CEP350: variants seen among roughly 807,000 people sequenced by gnomAD.
CEP350 encodes the protein centrosomal protein 350.
A neutral mutation model predicts 331.8 loss-of-function variants in CEP350; 126 were observed. The observed-to-expected ratio is 0.38, with a 90% CI of 0.33 to 0.44. CEP350 has a LOEUF of 0.44. Ranked by LOEUF, CEP350 falls within the 20% of genes least tolerant of loss-of-function variation. CEP350 has a pLI of 1.00. For synonymous variants in CEP350, 1,200 were observed against 1,259.5 expected, an observed-to-expected ratio of 0.95 and a Z score of 1.00; for missense variants, 3,406 against 3,634.6, an observed-to-expected ratio of 0.94 and a Z score of 1.62.
intron 12 of CEP350, 135 bp downstream of exon 12, chr1:180,021,144 C>A: frequency 1.6e-6 from 1 of 631,592 alleles, no homozygotes; most frequent in Non-Finnish European, 2.3e-6. Context: ...CCGTATTAGT[C>A]ATCTTCTAAA....
At chr1:180,069,103 G>C (rs774081891) in intron 27 of CEP350, among the ~76,000 whole-genome samples, 27 of 152,110 alleles carry the variant, frequency 1.8e-4, no homozygotes, top group Non-Finnish European at 2.9e-4. Flanking sequence ...AAAAAGAAGG[G>C]GCAGAAAGTA....
rs992473916 is a variant in CEP350, at chr1:180,114,723, A to G, written c.*3562A>G. On this transcript the variant is annotated 3_prime_UTR_variant, in exon 38 of 38. Transcript: ENST00000367607. ...TTCAGCCAATAGTCACATCCAGTGC[A>G]ATTTTGCACCGAACACTTAAGGGTG... The G allele has an allele frequency of 6.6e-6, 1 of 152,634 alleles. No homozygotes were observed. The highest frequency in any genetic ancestry group is 2.4e-5 in the African/African-American group (1 of 41,446). 9.5% of individuals were successfully genotyped at this position (152,634 alleles called of 1,614,324 possible).
At position 180,037,067 on chromosome 1, in the gene CEP350, T is replaced by C; in HGVS notation, c.4088T>C (p.Val1363Ala). ...ATTTCACTTGCTCAGCAGGAGAGTG[T>C]GTCTCTAGCTCAGATAATAAAGGTA... ...RGISLAQQES[V>A]SLAQIIKAQQ... Residue 1363 changes from valine (V) to alanine (A), a missense_variant, in exon 17 of 38, where the codon GTG becomes GCG. Val to Ala is a moderately conservative substitution (Grantham distance 64). This residue lies in a region of CEP350 where 1,857 missense variants were observed against 1,909.2 expected (regional missense o/e 0.97). Transcript: ENST00000367607. 6.2e-7 allele frequency: 1 copy of C among 1,602,208 alleles called. No individual in the cohort carries two copies. The highest frequency in any genetic ancestry group is 8.5e-7 in the Non-Finnish European group (1 of 1,174,666).
At chr1:180,056,476 C>CCCT (rs1491542465) in intron 25 of CEP350, among the ~76,000 whole-genome samples, 1 of 101,688 alleles carries the variant, frequency 9.8e-6, no homozygotes, top group African/African-American at 3.8e-5. Flanking sequence ...CCCCCCCCCC[C>CCCT]TTTTTTTTTT....
At chr1:179,955,410 C>A (rs994591558) in intron 1 of CEP350, among the ~76,000 whole-genome samples, 1 of 152,216 alleles carries the variant, frequency 6.6e-6, no homozygotes, top group African/African-American at 2.4e-5. Context: ...CCTCCTCTAG[C>A]CTGCAGAGGT....
At position 180,022,757 on chromosome 1, in the gene CEP350, A is replaced by T. The variant is rs770191361; in HGVS notation, c.3295A>T (p.Thr1099Ser). ...STSRPLNATA[T>S]PLSGVSYEDD... is the part of the protein sequence containing the mutation. ...ATCACGGCCTTTGAATGCCACCGCA[A>T]CTCCTCTAAGTGGTGTTTCATATGA... Residue 1099 changes from threonine (T) to serine (S), a missense_variant, in exon 13 of 38, where the codon ACT (threonine) becomes TCT (serine). Thr to Ser is a moderately conservative substitution (Grantham distance 58, BLOSUM62 1). Around this residue, in one of 5 missense-constraint regions of CEP350, gnomAD observed 1,857 missense variants for 1,909.2 expected, o/e 0.97. Coordinates refer to ENST00000367607, the MANE Select transcript of CEP350 (RefSeq NM_014810.5). 6.2e-7 allele frequency: 1 copy of T among 1,611,114 alleles called. No individual in the cohort carries two copies. The highest frequency in any genetic ancestry group is 8.5e-7 in the Non-Finnish European group (1 of 1,178,512).
chr1:180,071,645 T>C (rs74684274), intron 27 of CEP350, among the ~76,000 whole-genome samples: 13,221 of 151,792 alleles, frequency 0.087, 918 homozygotes, highest in African/African-American at 0.19. Flanking sequence ...TAGCCGGGCA[T>C]GGTGGCAGGT....
chr1:180,023,835 T>C (rs1413274350), intron 13 of CEP350, among the ~76,000 whole-genome samples: 1 of 152,208 alleles, frequency 6.6e-6, no homozygotes, highest in African/African-American at 2.4e-5. Context: ...CTTTTTCAAA[T>C]ATTACAAATT....
intron 1 of CEP350, among the ~76,000 whole-genome samples, chr1:179,979,762 A>G (rs1652140521): frequency 6.6e-6 from 1 of 152,038 alleles, no homozygotes; most frequent in African/African-American, 2.4e-5. Flanking sequence ...ATTCTTCTGC[A>G]TATGGAGATT....
intron 3 of CEP350, among the ~76,000 whole-genome samples, chr1:179,988,359 T>C (rs991875301): frequency 1.3e-5 from 2 of 151,742 alleles, no homozygotes; most frequent in Non-Finnish European, 2.9e-5. Flanking sequence ...TGTAGAAAGC[T>C]CATTGTTAGG....
chr1:179,970,143 A>G (rs1312032843), intron 1 of CEP350, among the ~76,000 whole-genome samples: 1 of 152,162 alleles, frequency 6.6e-6, no homozygotes, highest in African/African-American at 2.4e-5. Context: ...TACGAAGTTT[A>G]GCTCTTTATT....
intron 1 of CEP350, among the ~76,000 whole-genome samples, chr1:179,970,468 T>G (rs1251788342): frequency 1.3e-5 from 2 of 151,998 alleles, no homozygotes; most frequent in Non-Finnish European, 2.9e-5. Context: ...CTTACTAAAT[T>G]TACCATTTGT....
At chr1:180,073,875 A>G in intron 27 of CEP350, 1 of 1,304,564 alleles carries the variant, frequency 7.7e-7, no homozygotes, top group Non-Finnish European at 1.0e-6. Context: ...CTTCATCCCA[A>G]ATTCCAGCTG....
chr1:180,037,609 A>G (rs1055094920), intron 17 of CEP350, among the ~76,000 whole-genome samples: 7 of 152,158 alleles, frequency 4.6e-5, no homozygotes, highest in African/African-American at 1.7e-4. Flanking sequence ...TTCACATAGT[A>G]TAAAATACAC....
rs1660515656 is a variant in CEP350 at position 180,096,994 on chromosome 1, C to T, written c.9066+810C>T. Among the ~76,000 whole-genome samples the T allele has an allele frequency of 2.0e-5, 3 of 152,188 alleles. No individual in the cohort carries two copies. In the East Asian group the frequency reaches 5.8e-4, roughly 29 times the overall value. On this transcript the variant is annotated intron_variant, in intron 36 of 37. Coordinates refer to ENST00000367607, the MANE Select transcript of CEP350 (RefSeq NM_014810.5). ...TGCTGGTCCTGCTGGTCCTGCTGGT[C>T]CTGCTGGTCCCAGGACCACGCTGAG...
At position 179,997,096 on chromosome 1, in the gene CEP350, A is replaced by G; in HGVS notation, c.939A>G (p.Val313=). ...GQKLGHIDHP[V]MVVNVDNSVT... is the part of the protein sequence containing the mutation. ...AGCTGGGTCATATTGACCATCCAGT[A>G]ATGGTTGTTAATGTTGATAACTCAG... Residue 313 remains valine (V), a synonymous_variant, in exon 6 of 38, where the codon GTA becomes GTG. Transcript: ENST00000367607. The G allele has an allele frequency of 6.2e-7, 1 of 1,613,990 alleles. No homozygotes were observed. Among genetic ancestry groups the G allele is most frequent in the Non-Finnish European group, 8.5e-7 (1 of 1,179,834 alleles).
chr1:180,052,420 G>T (rs775079244), intron 22 of CEP350: 9 of 320,346 alleles, frequency 2.8e-5, no homozygotes, highest in Non-Finnish European at 4.8e-5. Context: ...TAGGGCTGTA[G>T]GGAAAATACA....
intron 21 of CEP350, among the ~76,000 whole-genome samples, chr1:180,044,644 A>C (rs113579776): frequency 0.018 from 2,264 of 128,210 alleles, 61 homozygotes; most frequent in African/African-American, 0.063. Context: ...ACATGGACAC[A>C]GGAAGGGAAA....
At chr1:180,091,494 T>C (rs1660195580) in intron 33 of CEP350, among the ~76,000 whole-genome samples, 1 of 152,210 alleles carries the variant, frequency 6.6e-6, no homozygotes. Context: ...GCTAAATAGC[T>C]GTATACATTT....
Sources: allele counts gnomAD v4.1 joint callset (sites outside exome capture counted in the v4.1 genomes callset), GRCh38; gene constraint gnomAD v4.1.1; regional missense constraint gnomAD v4.1.1; transcripts MANE v1.5; gene names NCBI Gene and HGNC (gene_info 2026-07-23, HGNC 2026-07-21).